The following LMBR1 variants were observed in gnomAD, a reference collection of about 807,000 sequenced individuals.
The protein encoded by LMBR1 is limb region 1 protein homolog.
Under a neutral mutation model 73.9 loss-of-function variants are expected in LMBR1, and 52 were observed. The observed-to-expected ratio is 0.70, with a 90% CI of 0.56 to 0.89. The LOEUF is 0.89. Ranked by LOEUF, LMBR1 falls within the 40% of genes least tolerant of loss-of-function variation. The probability of loss-of-function intolerance (pLI) is 0.00; values close to 1 mark genes in which losing one functional copy is unlikely to be tolerated. For missense variants in LMBR1, 539 were observed against 579.8 expected, an observed-to-expected ratio of 0.93 and a Z score of 0.72; for synonymous variants, 215 against 209.4, an observed-to-expected ratio of 1.03 and a Z score of -0.23.
intron 4 of LMBR1, among the ~76,000 whole-genome samples, chr7:156,820,102 G>T (rs1489789363): frequency 6.6e-6 from 1 of 152,202 alleles, no homozygotes; most frequent in Admixed American, 6.5e-5. Flanking sequence ...CTGTGCAGAA[G>T]ACAGACAGAG....
chr7:156,851,592 G>A (rs1407165716), intron 1 of LMBR1, among the ~76,000 whole-genome samples: 1 of 152,146 alleles, frequency 6.6e-6, no homozygotes, highest in Admixed American at 6.5e-5. Flanking sequence ...AAGTTGGGGG[G>A]CTGGGGAGTG....
In LMBR1 at chr7:156,760,621, C is replaced by T. The variant is rs201699887; in HGVS notation, c.684+1513G>A. Among the ~76,000 whole-genome samples, 255 of 152,268 alleles carry T rather than the reference C, an allele frequency of 1.7e-3. 1 individual carries two copies. Among genetic ancestry groups the T allele is most frequent in the African/African-American group, 5.4e-3 (226 of 41,550 alleles). On this transcript the variant is annotated intron_variant, in intron 8 of 16. Transcript: ENST00000353442. ...CTAAATGAATTCAATGTCCCAAAAC[C>T]TCTTTACAAGGGAAAGGAATTTCAA...
rs1258629499 is a variant in LMBR1 at position 156,728,666 on chromosome 7, A to G, written c.893T>C (p.Met298Thr). 6 of 1,600,542 alleles carry G rather than the reference A, an allele frequency of 3.7e-6. No homozygotes were observed. Among genetic ancestry groups the G allele is most frequent in the African/African-American group, 1.3e-5 (1 of 74,146 alleles). Reference protein sequence around the residue: ...WERNLVYPAVMVLLLIETSIS... With the variant: ...WERNLVYPAVTVLLLIETSIS... ...TACTGTCTCAATAAGAAGGAGAACC[A>G]TAACAGCGGGATACACCAAATTTCT... Residue 298 changes from methionine (M) to threonine (T), a missense_variant, in exon 11 of 17, where the codon ATG becomes ACG. By Grantham distance (81) the Met-to-Thr change is moderately conservative (BLOSUM62 -1). Coordinates refer to ENST00000353442, the MANE Select transcript of LMBR1 (RefSeq NM_022458.4).
chr7:156,841,454 G>A (rs536977311), intron 1 of LMBR1, among the ~76,000 whole-genome samples: 1 of 152,232 alleles, frequency 6.6e-6, no homozygotes, highest in East Asian at 1.9e-4. Context: ...AGCCAGAGAA[G>A]AGAAGTCTGA....
intron 1 of LMBR1, among the ~76,000 whole-genome samples, chr7:156,841,745 G>GTTT (rs1838738130): frequency 1.3e-5 from 2 of 152,050 alleles, no homozygotes; most frequent in Non-Finnish European, 2.9e-5. Flanking sequence ...GAGTAGTGGA[G>GTTT]GTAAAACCCT....
chr7:156,709,315 T>C (rs1811613834), intron 15 of LMBR1, among the ~76,000 whole-genome samples: 1 of 152,174 alleles, frequency 6.6e-6, no homozygotes, highest in Admixed American at 6.5e-5. Context: ...AAACAAAAGC[T>C]AATTCCACTG....
At chr7:156,861,447 G>C (rs1030261767) in intron 1 of LMBR1, among the ~76,000 whole-genome samples, 1 of 152,160 alleles carries the variant, frequency 6.6e-6, no homozygotes, top group Non-Finnish European at 1.5e-5. Flanking sequence ...GCCTATAATG[G>C]GAGGGGCTGC....
chr7:156,833,478 T>C, intron 3 of LMBR1: 3 of 392,694 alleles, frequency 7.6e-6, no homozygotes, highest in Non-Finnish European at 9.0e-6. Context: ...GCCAAGAGTC[T>C]TCTTTCTTAT....
chr7:156,802,372 A>C (rs76123495), intron 4 of LMBR1, among the ~76,000 whole-genome samples: 4,847 of 152,294 alleles, frequency 0.032, 125 homozygotes, highest in South Asian at 0.085. Flanking sequence ...ATATATTTCT[A>C]CACCTCATTT....
At chr7:156,825,371 C>T (rs1212753663) in intron 4 of LMBR1, among the ~76,000 whole-genome samples, 1 of 151,984 alleles carries the variant, frequency 6.6e-6, no homozygotes, top group African/African-American at 2.4e-5. Flanking sequence ...AAATGAGAGA[C>T]GGGTATGGGT....
At chr7:156,833,272 C>T (rs186702025) in intron 3 of LMBR1, among the ~76,000 whole-genome samples, 17 of 152,278 alleles carry the variant, frequency 1.1e-4, no homozygotes, top group African/African-American at 3.6e-4. Context: ...GAAAGGAATT[C>T]GCTGCTTTCC....
intron 5 of LMBR1, chr7:156,779,554 T>C (rs1176941027): frequency 4.9e-6 from 2 of 408,500 alleles, no homozygotes; most frequent in East Asian, 1.5e-4. Flanking sequence ...GATAGTCTAC[T>C]ACACTCAAAT....
intron 1 of LMBR1, among the ~76,000 whole-genome samples, chr7:156,850,729 C>T (rs550330646): frequency 3.6e-4 from 55 of 152,232 alleles, no homozygotes; most frequent in African/African-American, 1.1e-3. Flanking sequence ...TGTATACCCA[C>T]ACAAGGATGT....
intron 1 of LMBR1, among the ~76,000 whole-genome samples, chr7:156,874,189 C>T (rs897842290): frequency 6.6e-6 from 1 of 152,242 alleles, no homozygotes; most frequent in Non-Finnish European, 1.5e-5. Flanking sequence ...TTGAGCACAG[C>T]GCCAGTGGGC....
intron 4 of LMBR1, among the ~76,000 whole-genome samples, chr7:156,813,282 G>A (rs1441247832): frequency 6.6e-6 from 1 of 152,024 alleles, no homozygotes; most frequent in Non-Finnish European, 1.5e-5. Context: ...AAAGCTCTGG[G>A]CATAAAACAT....
chr7:156,704,590 T>C (rs1198243552), intron 15 of LMBR1, among the ~76,000 whole-genome samples: 7 of 136,552 alleles, frequency 5.1e-5, no homozygotes, highest in African/African-American at 1.7e-4. Context: ...TCTCCAGCAA[T>C]AGATCCTAAC....
chr7:156,702,059 T>C (rs537815721), intron 15 of LMBR1, among the ~76,000 whole-genome samples: 1 of 152,346 alleles, frequency 6.6e-6, no homozygotes, highest in South Asian at 2.1e-4. Flanking sequence ...TCCATGTCTT[T>C]GCTATTGTGA....
chr7:156,817,889 C>G (rs1260818032), intron 4 of LMBR1, among the ~76,000 whole-genome samples: 2 of 152,150 alleles, frequency 1.3e-5, no homozygotes, highest in Non-Finnish European at 2.9e-5. Flanking sequence ...CAAATACCTA[C>G]ATTATCATCT....
At chr7:156,745,501 G>A (rs1370803323) in intron 9 of LMBR1, among the ~76,000 whole-genome samples, 1 of 152,200 alleles carries the variant, frequency 6.6e-6, no homozygotes, top group Admixed American at 6.5e-5. Context: ...CAACTGGCCA[G>A]AAAAACTGAT....
Sources: gnomAD v4.1 joint callset for allele counts (sites outside exome capture counted in the v4.1 genomes callset) on GRCh38, gnomAD v4.1.1 for gene constraint, MANE v1.5 for transcripts, NCBI Gene and HGNC (gene_info 2026-07-23, HGNC 2026-07-21) for gene names.